The following BMAL2 variants were observed in gnomAD, a reference collection of about 807,000 sequenced individuals.
BMAL2 encodes basic helix-loop-helix ARNT like 2.
the BMAL2 span, chr12:27,415,753 A>C: frequency 1.4e-6 from 1 of 713,126 alleles, no homozygotes; most frequent in African/African-American, 1.8e-5. Context: ...CTGCTATGAT[A>C]CTCAGTTTCA....
chr12:27,364,164 C>T, the BMAL2 span, among the ~76,000 whole-genome samples: 1 of 152,098 alleles, frequency 6.6e-6, no homozygotes, highest in South Asian at 2.1e-4. Context: ...CTAATCCTGT[C>T]TATGAGGGTG....
chr12:27,406,605 G>A, the BMAL2 span, among the ~76,000 whole-genome samples: 1 of 152,124 alleles, frequency 6.6e-6, no homozygotes, highest in Non-Finnish European at 1.5e-5. Flanking sequence ...CACTAAACAT[G>A]GAAAGGAACA....
chr12:27,382,940 G>A, the BMAL2 span, among the ~76,000 whole-genome samples: 1 of 152,208 alleles, frequency 6.6e-6, no homozygotes, highest in Non-Finnish European at 1.5e-5. Context: ...GCAATGTTAT[G>A]TTTTTATAAA....
the BMAL2 span, among the ~76,000 whole-genome samples, chr12:27,359,074 C>G: frequency 2.0e-5 from 3 of 152,146 alleles, no homozygotes; most frequent in African/African-American, 4.8e-5. Context: ...GCTTGTCATT[C>G]TAGAAGGCTT....
chr12:27,409,347 C>G, the BMAL2 span, among the ~76,000 whole-genome samples: 1 of 152,174 alleles, frequency 6.6e-6, no homozygotes, highest in Non-Finnish European at 1.5e-5. Flanking sequence ...TCAAACTGTA[C>G]TACAAAGCTA....
At chr12:27,354,861 C>A in the BMAL2 span, among the ~76,000 whole-genome samples, 2 of 152,132 alleles carry the variant, frequency 1.3e-5, no homozygotes, top group Non-Finnish European at 2.9e-5. Context: ...TCTTCTCACC[C>A]CTTCCCCTTC....
the BMAL2 span, among the ~76,000 whole-genome samples, chr12:27,388,313 G>A: frequency 1.3e-5 from 2 of 152,174 alleles, no homozygotes; most frequent in Non-Finnish European, 2.9e-5. Flanking sequence ...CTGCCCTAGA[G>A]AGTTCTGGAT....
At chr12:27,336,797 C>A in the BMAL2 span, among the ~76,000 whole-genome samples, 7 of 151,748 alleles carry the variant, frequency 4.6e-5, no homozygotes, top group Non-Finnish European at 7.4e-5. Flanking sequence ...CTAAAAAATA[C>A]AAAAATTAGT....
the BMAL2 span, among the ~76,000 whole-genome samples, chr12:27,338,498 C>G: frequency 6.6e-6 from 1 of 151,618 alleles, no homozygotes; most frequent in African/African-American, 2.4e-5. Context: ...GGGAGGGGGT[C>G]TTCCAGGGAA....
the BMAL2 span, among the ~76,000 whole-genome samples, chr12:27,392,049 C>T: frequency 6.6e-6 from 1 of 152,120 alleles, no homozygotes; most frequent in Non-Finnish European, 1.5e-5. Flanking sequence ...CTTCAGTTTC[C>T]ATATCTTTAA....
At chr12:27,414,383 A>G in the BMAL2 span, among the ~76,000 whole-genome samples, 4 of 152,208 alleles carry the variant, frequency 2.6e-5, no homozygotes. Flanking sequence ...AGCACTCTCC[A>G]GGATAGGTGA....
chr12:27,335,532 T>C, the BMAL2 span, among the ~76,000 whole-genome samples: 1 of 152,238 alleles, frequency 6.6e-6, no homozygotes, highest in Non-Finnish European at 1.5e-5. Context: ...GCAATTACAG[T>C]GGTTTAAATT....
At chr12:27,406,351 A>G in the BMAL2 span, among the ~76,000 whole-genome samples, 3 of 152,224 alleles carry the variant, frequency 2.0e-5, no homozygotes, top group African/African-American at 2.4e-5. Context: ...GAGAAAGGTC[A>G]GGTTACCCAC....
At chr12:27,367,641 A>G in the BMAL2 span, among the ~76,000 whole-genome samples, 2 of 152,074 alleles carry the variant, frequency 1.3e-5, no homozygotes, top group African/African-American at 4.8e-5. Context: ...CTTTTACAAT[A>G]TAGGGGGAAA....
the BMAL2 span, chr12:27,333,161 T>C: frequency 5.8e-6 from 7 of 1,197,946 alleles, no homozygotes; most frequent in Non-Finnish European, 7.3e-6. Context: ...TCTGACGCGC[T>C]GGGGGCGTCC....
chr12:27,381,660 C>G, the BMAL2 span, among the ~76,000 whole-genome samples: 2 of 152,158 alleles, frequency 1.3e-5, no homozygotes, highest in African/African-American at 4.8e-5. Flanking sequence ...GACACAGAGC[C>G]AAACCATGTC....
chr12:27,338,789 T>G, the BMAL2 span, among the ~76,000 whole-genome samples: 2 of 152,166 alleles, frequency 1.3e-5, no homozygotes, highest in Non-Finnish European at 2.9e-5. Context: ...TAAGTCACCT[T>G]GAAAGGCAAA....
the BMAL2 span, among the ~76,000 whole-genome samples, chr12:27,404,833 A>C: frequency 6.6e-6 from 1 of 152,196 alleles, no homozygotes; most frequent in Non-Finnish European, 1.5e-5. Context: ...GCAAGGGGTC[A>C]GGGAATTCCC....
chr12:27,372,228 C>T, the BMAL2 span, among the ~76,000 whole-genome samples: 1 of 29,614 alleles, frequency 3.4e-5, no homozygotes, highest in Non-Finnish European at 7.0e-5. Context: ...GAGACTCTAT[C>T]TCAAAAAAAA....
Sources: allele counts gnomAD v4.1 joint callset (sites outside exome capture counted in the v4.1 genomes callset), GRCh38; gene constraint gnomAD v4.1.1; transcripts MANE v1.5; gene names NCBI Gene and HGNC (gene_info 2026-07-23, HGNC 2026-07-21).